IHO1: variants seen among roughly 807,000 people sequenced by gnomAD.
IHO1 encodes the protein interactor of HORMAD1 protein 1.
Under a neutral mutation model 31.0 loss-of-function variants are expected in IHO1, and 13 were observed. The ratio of observed to expected loss-of-function variants is 0.42; its 90% CI spans 0.27 to 0.67. The LOEUF (loss-of-function observed/expected upper bound fraction) is 0.67, where lower values mean the gene tolerates loss of function less well. Ranked by LOEUF, IHO1 falls within the 30% of genes least tolerant of loss-of-function variation. The pLI is 0.24. For missense variants in IHO1, 599 were observed against 687.5 expected (o/e 0.87, Z 1.44); for synonymous variants, 221 against 248.4 (o/e 0.89, Z 1.04).
chr3:49,213,985 T>TC (rs1336259226), intron 2 of IHO1: 1 of 418,818 alleles, frequency 2.4e-6, no homozygotes, highest in Non-Finnish European at 5.0e-6. Flanking sequence ...CAGCATGCTG[T>TC]CACCTCTCAG....
upstream of IHO1, among the ~76,000 whole-genome samples, chr3:49,194,313 T>TATATAC (rs1313457093): frequency 1.5e-5 from 2 of 137,062 alleles, no homozygotes; most frequent in Non-Finnish European, 3.2e-5. Context: ...TATATATATA[T>TATATAC]ATATATTTGA....
chr3:49,243,985 C>A (rs562228180), intron 4 of IHO1, among the ~76,000 whole-genome samples: 1 of 148,624 alleles, frequency 6.7e-6, no homozygotes, highest in South Asian at 2.1e-4. Flanking sequence ...GGTGGAGTCT[C>A]GCTCTGTCTC....
chr3:49,231,140 G>A (rs924566456), intron 2 of IHO1, among the ~76,000 whole-genome samples: 6 of 152,050 alleles, frequency 3.9e-5, no homozygotes, highest in African/African-American at 1.4e-4. Context: ...GGATCAAATC[G>A]CTACTATGAT....
At chr3:49,249,721 G>A (rs1430763767) in intron 6 of IHO1, among the ~76,000 whole-genome samples, 10 of 152,312 alleles carry the variant, frequency 6.6e-5, no homozygotes, top group South Asian at 2.1e-4. Context: ...TGCTCTTCGC[G>A]TGCTCCAGGA....
At chr3:49,220,787 G>A (rs1238449786) in intron 2 of IHO1, among the ~76,000 whole-genome samples, 1 of 152,222 alleles carries the variant, frequency 6.6e-6, no homozygotes, top group Non-Finnish European at 1.5e-5. Context: ...AGAATGGCAT[G>A]AACCTGGGAG....
upstream of IHO1, among the ~76,000 whole-genome samples, chr3:49,196,420 G>A (rs1390213342): frequency 3.4e-5 from 5 of 148,096 alleles, no homozygotes; most frequent in African/African-American, 1.2e-4. Flanking sequence ...CCGGGTTCAC[G>A]CCATTCTCCT....
intron 2 of IHO1, chr3:49,213,935 C>T (rs1251929280): frequency 4.8e-6 from 2 of 412,868 alleles, no homozygotes; most frequent in East Asian, 7.6e-5. Flanking sequence ...CCAGAGTGGA[C>T]GCCAAGGCCA....
chr3:49,199,343 G>C (rs528614205), upstream of IHO1, among the ~76,000 whole-genome samples: 1 of 152,122 alleles, frequency 6.6e-6, no homozygotes, highest in African/African-American at 2.4e-5. Flanking sequence ...CGGAATCCCA[G>C]TTGGTCAGAG....
intron 6 of IHO1, among the ~76,000 whole-genome samples, chr3:49,253,050 A>AG (rs1314997223): frequency 6.6e-6 from 1 of 151,764 alleles, no homozygotes; most frequent in Admixed American, 6.6e-5. Context: ...AAAAAAAAAA[A>AG]AAATCATGTA....
chr3:49,242,091 A>C (rs1559450113), intron 4 of IHO1, among the ~76,000 whole-genome samples: 1 of 151,082 alleles, frequency 6.6e-6, no homozygotes, highest in Non-Finnish European at 1.5e-5. Context: ...TCACAAGCGC[A>C]TGCCAGCATG....
intron 2 of IHO1, among the ~76,000 whole-genome samples, chr3:49,212,820 G>A (rs1327028044): frequency 3.9e-5 from 6 of 152,174 alleles, no homozygotes; most frequent in African/African-American, 4.8e-5. Context: ...GCAGGAGCAA[G>A]ATTTATTGCA....
intron 2 of IHO1, among the ~76,000 whole-genome samples, chr3:49,219,667 G>A (rs945529376): frequency 1.3e-5 from 2 of 152,096 alleles, no homozygotes; most frequent in African/African-American, 2.4e-5. Context: ...CCCATACGTG[G>A]GGCTCGAACC....
At chr3:49,194,712 A>G (rs1326797924), upstream of IHO1, among the ~76,000 whole-genome samples, 1 of 150,996 alleles carries the variant, frequency 6.6e-6, no homozygotes, top group African/African-American at 2.4e-5. Context: ...CCTGGGCAAC[A>G]TGGCGAAACC....
At position 49,229,879 on chromosome 3, in the gene IHO1, G is replaced by A. The variant is rs976094672; in HGVS notation, c.57-6669G>A. 5.9e-5 allele frequency among the ~76,000 whole-genome samples: 9 copies of A among 152,136 alleles called. No individual in the cohort carries two copies. The South Asian group carries it at 6.2e-4, about 10-fold the overall frequency. On this transcript the variant is annotated intron_variant, in intron 2 of 7. Coordinates refer to ENST00000452691, the MANE Select transcript of IHO1 (RefSeq NM_001135197.2). ...TTATGGGGAAGAGATTTATTACAACGATGGGGAGCACAAGTTCTAATTCCT... is the reference window on the plus strand; with the variant it reads ...TTATGGGGAAGAGATTTATTACAACAATGGGGAGCACAAGTTCTAATTCCT...
chr3:49,204,627 C>T (rs2107679857), intron 1 of IHO1, among the ~76,000 whole-genome samples: 2 of 152,160 alleles, frequency 1.3e-5, no homozygotes, highest in South Asian at 4.1e-4. Context: ...AAGATGTTAC[C>T]AGAAAGGGGT....
intron 2 of IHO1, among the ~76,000 whole-genome samples, chr3:49,214,619 TATATATA>T: frequency 3.0e-5 from 1 of 33,080 alleles, no homozygotes; most frequent in African/African-American, 9.9e-5. Context: ...TATATATATA[TATATATA>T]TATATATTTT....
chr3:49,245,919 C>G (rs778527112), intron 6 of IHO1, among the ~76,000 whole-genome samples: 8 of 152,016 alleles, frequency 5.3e-5, no homozygotes, highest in Non-Finnish European at 8.8e-5. Context: ...CACAGTGGCT[C>G]CCACTTGTAA....
chr3:49,207,047 C>CAAAA (rs71077775), intron 1 of IHO1, among the ~76,000 whole-genome samples: 16 of 48,686 alleles, frequency 3.3e-4, no homozygotes, highest in East Asian at 7.2e-4. Context: ...GACTCTGTCT[C>CAAAA]AAAAAAAAAA....
At chr3:49,233,681 AAG>A (rs1432477551) in intron 2 of IHO1, among the ~76,000 whole-genome samples, 1 of 152,252 alleles carries the variant, frequency 6.6e-6, no homozygotes, top group African/African-American at 2.4e-5. Flanking sequence ...CAAAACAAAA[AAG>A]GGGGACATGT....
Sources: gnomAD v4.1 joint callset for allele counts (sites outside exome capture counted in the v4.1 genomes callset) on GRCh38, gnomAD v4.1.1 for gene constraint, MANE v1.5 for transcripts, NCBI Gene and HGNC (gene_info 2026-07-23, HGNC 2026-07-21) for gene names.